Variants in PAM observed in about 807,000 individuals in gnomAD.
The protein encoded by PAM is peptidyl-glycine alpha-amidating monooxygenase.
A neutral mutation model predicts 122.1 loss-of-function variants in PAM; 72 were observed. The ratio of observed to expected loss-of-function variants is 0.59; its 90% CI spans 0.49 to 0.72. The LOEUF (loss-of-function observed/expected upper bound fraction) is 0.72. Ranked by LOEUF, PAM falls within the 30% of genes least tolerant of loss-of-function variation. The pLI, the probability that PAM is intolerant of heterozygous loss-of-function variation, is 0.00. For synonymous variants in PAM, 389 were observed against 404.4 expected (o/e 0.96, Z 0.46); for missense variants, 1,106 against 1,183.7 (o/e 0.93, Z 0.96).
intron 1 of PAM, among the ~76,000 whole-genome samples, chr5:102,841,431 A>ACACACACACG (rs1554082085): frequency 2.0e-4 from 31 of 151,988 alleles, no homozygotes; most frequent in African/African-American, 7.5e-4. Context: ...ACACACACAC[A>ACACACACACG]CACACACACA....
At chr5:102,861,102 C>T (rs1784056318) in intron 1 of PAM, among the ~76,000 whole-genome samples, 1 of 152,092 alleles carries the variant, frequency 6.6e-6, no homozygotes, top group Non-Finnish European at 1.5e-5. Flanking sequence ...GTTTTTTTGC[C>T]AACAACCAGC....
At chr5:102,783,971 AC>A (rs1759759733) in intron 1 of PAM, among the ~76,000 whole-genome samples, 1 of 150,212 alleles carries the variant, frequency 6.7e-6, no homozygotes, top group Non-Finnish European at 1.5e-5. Context: ...ATCTCGGCTC[AC>A]TGCAAGCTCC....
intron 7 of PAM, among the ~76,000 whole-genome samples, chr5:102,942,853 G>A (rs1404671266): frequency 6.6e-6 from 1 of 151,632 alleles, no homozygotes; most frequent in African/African-American, 2.4e-5. Context: ...TTATGGGCAT[G>A]AGCCATTATG....
intron 1 of PAM, chr5:102,838,689 A>T (rs1777736098): frequency 6.6e-6 from 1 of 152,158 alleles, no homozygotes; most frequent in Non-Finnish European, 1.5e-5. Context: ...TCTGTTCATG[A>T]GCAGTAAATA....
At chr5:102,874,485 A>G (rs576349111) in intron 3 of PAM, among the ~76,000 whole-genome samples, 9 of 152,230 alleles carry the variant, frequency 5.9e-5, no homozygotes, top group African/African-American at 1.9e-4. Context: ...TTTTAATAAT[A>G]GAAACATGCT....
intron 1 of PAM, among the ~76,000 whole-genome samples, chr5:102,756,173 C>T (rs1045290985): frequency 2.6e-5 from 4 of 152,186 alleles, no homozygotes; most frequent in African/African-American, 2.4e-5. Flanking sequence ...TGAGCACGGT[C>T]TCTTGTCTCG....
chr5:102,913,047 A>T (rs888878610), intron 4 of PAM, among the ~76,000 whole-genome samples: 4 of 152,002 alleles, frequency 2.6e-5, no homozygotes, highest in African/African-American at 9.7e-5. Context: ...CAAACAGACC[A>T]AAATAGCTGA....
intron 3 of PAM, among the ~76,000 whole-genome samples, chr5:102,886,787 G>A (rs1026780160): frequency 1.3e-5 from 2 of 152,038 alleles, no homozygotes; most frequent in Non-Finnish European, 2.9e-5. Context: ...ATCACAGTCT[G>A]TATTTACAAG....
chr5:102,993,509 C>T (rs1774788474), intron 16 of PAM, among the ~76,000 whole-genome samples: 1 of 152,054 alleles, frequency 6.6e-6, no homozygotes, highest in Admixed American at 6.6e-5. Context: ...AGTTGTATTT[C>T]TTATTTCATT....
At chr5:102,829,722 T>A (rs949556986) in intron 1 of PAM, among the ~76,000 whole-genome samples, 52 of 152,292 alleles carry the variant, frequency 3.4e-4, no homozygotes, top group Middle Eastern at 3.4e-3. Flanking sequence ...TGAGAAATAA[T>A]TCTGAAAATG....
At chr5:102,886,034 C>G (rs1372952527) in intron 3 of PAM, among the ~76,000 whole-genome samples, 1 of 152,012 alleles carries the variant, frequency 6.6e-6, no homozygotes, top group Admixed American at 6.6e-5. Flanking sequence ...CTTGAACATG[C>G]ATTCCCCACG....
At chr5:102,805,094 G>A (rs1281244845) in intron 1 of PAM, among the ~76,000 whole-genome samples, 30 of 128,810 alleles carry the variant, frequency 2.3e-4, no homozygotes, top group South Asian at 1.7e-3. Context: ...TTTTTGAGAC[G>A]GAGCCTCTCT....
At chr5:102,940,200 TTATAA>T (rs758733605) in intron 7 of PAM, among the ~76,000 whole-genome samples, 43 of 149,746 alleles carry the variant, frequency 2.9e-4, no homozygotes, top group Non-Finnish European at 5.6e-4. Context: ...ATTCAAAAAT[TTATAA>T]TAGAGAATTT....
chr5:102,797,385 C>T (rs1763646307), intron 1 of PAM, among the ~76,000 whole-genome samples: 1 of 152,172 alleles, frequency 6.6e-6, no homozygotes, highest in Admixed American at 6.5e-5. Flanking sequence ...TGAGCCATCA[C>T]ATTCATAAAC....
intron 14 of PAM, among the ~76,000 whole-genome samples, chr5:102,962,646 A>C (rs562041546): frequency 6.6e-6 from 1 of 151,854 alleles, no homozygotes; most frequent in African/African-American, 2.4e-5. Flanking sequence ...AAGTTGATCA[A>C]GGGAAACACT....
At chr5:102,884,791 G>A (rs1251708244) in intron 3 of PAM, among the ~76,000 whole-genome samples, 3 of 151,798 alleles carry the variant, frequency 2.0e-5, no homozygotes, top group East Asian at 3.9e-4. Flanking sequence ...ATAAAGGGAC[G>A]AATCTGATGT....
intron 4 of PAM, among the ~76,000 whole-genome samples, chr5:102,907,759 A>G (rs1049031317): frequency 6.6e-6 from 1 of 152,126 alleles, no homozygotes; most frequent in Non-Finnish European, 1.5e-5. Flanking sequence ...TTTTGGCTGC[A>G]TAAATGTCTT....
At chr5:103,026,204 T>G (rs1784895332) in intron 24 of PAM, among the ~76,000 whole-genome samples, 1 of 152,140 alleles carries the variant, frequency 6.6e-6, no homozygotes, top group African/African-American at 2.4e-5. Flanking sequence ...TTCTTACCGC[T>G]CAGTAGCAGT....
At chr5:102,970,369 C>T (rs1381591807) in intron 14 of PAM, among the ~76,000 whole-genome samples, 2 of 152,158 alleles carry the variant, frequency 1.3e-5, no homozygotes, top group Non-Finnish European at 2.9e-5. Flanking sequence ...TTGGACAGTG[C>T]AGACATAGAT....
Sources: allele counts gnomAD v4.1 joint callset (sites outside exome capture counted in the v4.1 genomes callset), GRCh38; gene constraint gnomAD v4.1.1; transcripts MANE v1.5; gene names NCBI Gene and HGNC (gene_info 2026-07-23, HGNC 2026-07-21).